The following RBFOX1 variants were observed in gnomAD, a reference collection of about 807,000 sequenced individuals.
RBFOX1 encodes RNA binding fox-1 homolog 1.
A neutral mutation model predicts 57.7 loss-of-function variants in RBFOX1; 8 were observed. The observed-to-expected ratio is 0.14, with a 90% confidence interval of 0.08 to 0.25. The LOEUF is 0.25. RBFOX1 is among the 10% of genes least tolerant of loss of function. The pLI is 1.00. For synonymous variants in RBFOX1, 326 were observed against 222.4 expected (o/e 1.47, Z -4.15); for missense variants, 611 against 548.5 (o/e 1.11, Z -1.14).
intron 3 of RBFOX1, among the ~76,000 whole-genome samples, chr16:7,022,476 G>T (rs1250176727): frequency 6.6e-6 from 1 of 152,076 alleles, no homozygotes; most frequent in South Asian, 2.1e-4. Flanking sequence ...GAGTTGGTTA[G>T]AAATGTCGTA....
intron 4 of RBFOX1, among the ~76,000 whole-genome samples, chr16:7,296,091 T>C (rs556242707): frequency 6.6e-6 from 1 of 152,232 alleles, no homozygotes; most frequent in South Asian, 2.1e-4. Context: ...TTACATTCAT[T>C]ATCTCGGTGG....
rs568167183 is a variant in RBFOX1, at chr16:5,539,472, A to G, written c.259-59430A>G. On this transcript the variant is annotated intron_variant, in intron 2 of 2. Transcript: ENST00000585867. ...CCGGGTGTAGTGGAAAAATACAAAA[A>G]AAAACACTTGTAATCCCAGCTACTC... Among the ~76,000 whole-genome samples, 295 of 151,672 alleles carry G rather than the reference A, an allele frequency of 1.9e-3. 5 individuals are homozygous for G. Among genetic ancestry groups the G allele is most frequent in the African/African-American group, 6.1e-3 (253 of 41,420 alleles).
intron 4 of RBFOX1, among the ~76,000 whole-genome samples, chr16:7,445,521 G>C (rs2098801108): frequency 6.6e-6 from 1 of 152,168 alleles, no homozygotes; most frequent in African/African-American, 2.4e-5. Context: ...CATCAAATAG[G>C]AGTGACAGGT....
intron 4 of RBFOX1, among the ~76,000 whole-genome samples, chr16:5,922,510 C>G (rs2058846893): frequency 6.6e-6 from 1 of 152,134 alleles, no homozygotes; most frequent in Non-Finnish European, 1.5e-5. Context: ...CAGAGGAGAG[C>G]CCAGGCACAG....
intron 1 of RBFOX1, among the ~76,000 whole-genome samples, chr16:5,251,085 T>C (rs1411535462): frequency 6.6e-6 from 1 of 151,514 alleles, no homozygotes; most frequent in Non-Finnish European, 1.5e-5. Context: ...GGTGGGGGGG[T>C]CCCAGCCCCT....
At chr16:5,983,316 G>A (rs7195940) in intron 4 of RBFOX1, among the ~76,000 whole-genome samples, 52,134 of 152,070 alleles carry the variant, frequency 0.34, 10,365 homozygotes, top group African/African-American at 0.55. Flanking sequence ...TGGGTGGGGA[G>A]GAGAAAATAT....
intron 4 of RBFOX1, among the ~76,000 whole-genome samples, chr16:7,075,253 A>G (rs150391668): frequency 0.01 from 1,546 of 152,334 alleles, 29 homozygotes; most frequent in African/African-American, 0.035. Flanking sequence ...TTCATTGCTC[A>G]GTGATGATCA....
At position 7,137,735 on chromosome 16, in the gene RBFOX1, T is replaced by G. The variant is rs770120525; in HGVS notation, c.27+85637T>G. The stretch of plus-strand genomic sequence containing the variant: ...ACTTAACTCAAAGGAATAATGGTGG[T>G]AAACTCGAACACATAACATTATGCA... On this transcript the variant is annotated intron_variant, in intron 4 of 15. Coordinates refer to ENST00000550418, the MANE Select transcript of RBFOX1 (RefSeq NM_018723.4). Among the ~76,000 whole-genome samples, 10 of 152,152 alleles carry G rather than the reference T, an allele frequency of 6.6e-5. 1 individual carries two copies. Among genetic ancestry groups the G allele is most frequent in the Non-Finnish European group, 1.2e-4 (8 of 68,040 alleles).
chr16:5,368,400 G>A (rs1054171437), intron 1 of RBFOX1, among the ~76,000 whole-genome samples: 1 of 152,092 alleles, frequency 6.6e-6, no homozygotes, highest in Non-Finnish European at 1.5e-5. Flanking sequence ...ACCAATGTGG[G>A]TTTTCATCTC....
rs930444865 is a variant in RBFOX1 at position 6,806,244 on chromosome 16, A to G, written c.-16+151594A>G. ...TTGTTCTATAGCCAGTATTTGTTTT[A>G]GAGATTTTTATGAAGTACTTTTCCT... On this transcript the variant is annotated intron_variant, in intron 3 of 15. Coordinates refer to ENST00000550418, the MANE Select transcript of RBFOX1 (RefSeq NM_018723.4). 7.9e-5 allele frequency among the ~76,000 whole-genome samples: 12 copies of G among 152,216 alleles called. No homozygotes were observed. In the East Asian group the frequency reaches 9.6e-4, roughly 12 times the overall value.
intron 2 of RBFOX1, among the ~76,000 whole-genome samples, chr16:6,325,199 T>A (rs1251960836): frequency 6.6e-6 from 1 of 151,982 alleles, no homozygotes; most frequent in Non-Finnish European, 1.5e-5. Flanking sequence ...CTACATAAAA[T>A]GTTTAAAAAA....
chr16:5,600,578 C>T (rs922087008), downstream of RBFOX1, among the ~76,000 whole-genome samples: 15 of 151,834 alleles, frequency 9.9e-5, no homozygotes, highest in African/African-American at 2.9e-4. Flanking sequence ...TCTTTATGCA[C>T]CAAGCTATAC....
chr16:7,618,734 C>G (rs1358016774), intron 10 of RBFOX1, among the ~76,000 whole-genome samples: 2 of 152,094 alleles, frequency 1.3e-5, no homozygotes, highest in African/African-American at 4.8e-5. Context: ...TACTCATTCT[C>G]TACATATAAA....
intron 4 of RBFOX1, among the ~76,000 whole-genome samples, chr16:7,495,381 G>A (rs1300350721): frequency 1.3e-5 from 2 of 152,262 alleles, no homozygotes; most frequent in Non-Finnish European, 2.9e-5. Context: ...TAAGTTCTTT[G>A]AGAAATACTC....
chr16:6,758,323 A>T (rs2076118432), intron 3 of RBFOX1, among the ~76,000 whole-genome samples: 1 of 152,116 alleles, frequency 6.6e-6, no homozygotes, highest in South Asian at 2.1e-4. Context: ...TCCCCCAAGC[A>T]TATGTAAACC....
chr16:7,309,311 C>T (rs932428071), intron 4 of RBFOX1, among the ~76,000 whole-genome samples: 2 of 152,208 alleles, frequency 1.3e-5, no homozygotes, highest in Non-Finnish European at 2.9e-5. Context: ...CTTTGGGGAA[C>T]CTATGGAGGG....
At chr16:6,895,355 C>T (rs982296604) in intron 3 of RBFOX1, among the ~76,000 whole-genome samples, 2 of 148,912 alleles carry the variant, frequency 1.3e-5, no homozygotes, top group African/African-American at 2.5e-5. Flanking sequence ...TGGAACTAAG[C>T]AGATAGGAGA....
chr16:6,512,137 C>T (rs530930749), intron 2 of RBFOX1, among the ~76,000 whole-genome samples: 4 of 150,596 alleles, frequency 2.7e-5, no homozygotes, highest in South Asian at 2.1e-4. Context: ...AAAAGGAATT[C>T]GCCAGGCATG....
At chr16:7,269,258 C>T (rs1415186803) in intron 4 of RBFOX1, among the ~76,000 whole-genome samples, 1 of 152,068 alleles carries the variant, frequency 6.6e-6, no homozygotes, top group Non-Finnish European at 1.5e-5. Context: ...GACATAGACA[C>T]ATACACACAC....
Sources: allele counts gnomAD v4.1 joint callset (sites outside exome capture counted in the v4.1 genomes callset), GRCh38; gene constraint gnomAD v4.1.1; transcripts MANE v1.5; gene names NCBI Gene and HGNC (gene_info 2026-07-23, HGNC 2026-07-21).